SLCO4C1: variants seen among roughly 807,000 people sequenced by gnomAD.
SLCO4C1 encodes solute carrier organic anion transporter family member 4C1, also known as organic anion transporter M1.
Under a neutral mutation model 72.1 loss-of-function variants are expected in SLCO4C1, and 58 were observed. That is an observed-to-expected ratio of 0.80 (90% CI 0.65 to 1.00). The LOEUF (loss-of-function observed/expected upper bound fraction) is 1.00. SLCO4C1 is among the 50% of genes least tolerant of loss of function. SLCO4C1 has a pLI of 0.00. For missense variants in SLCO4C1, 898 were observed against 857.9 expected, an observed-to-expected ratio of 1.05 and a Z score of -0.58; for synonymous variants, 297 against 312.5, an observed-to-expected ratio of 0.95 and a Z score of 0.52.
At position 102,257,203 on chromosome 5, in the gene SLCO4C1, A is replaced by T. The variant is rs778025811; in HGVS notation, c.1381T>A (p.Ser461Thr). ...AAACTCAGCGTAAGTGCAACTCCAG[A>T]TGTGAACAGTGCAAACTTCATTGTG... ...KNTMKFALFT[S>T]GVALTLSFVF... Residue 461 changes from serine (S) to threonine (T), a missense_variant, in exon 8 of 13, where the codon TCT (serine) becomes ACT (threonine). By Grantham distance (58) the Ser-to-Thr change is moderately conservative (BLOSUM62 1). Transcript: ENST00000310954. 7 of 1,611,188 alleles carry T rather than the reference A, an allele frequency of 4.3e-6. No homozygotes were observed. In the Admixed American group the frequency reaches 1.2e-4, roughly 27 times the overall value.
At chr5:102,249,954 C>T (rs1438356551) in intron 8 of SLCO4C1, among the ~76,000 whole-genome samples, 166 bp from the exon 9 acceptor site, 2 of 152,082 alleles carry the variant, frequency 1.3e-5, no homozygotes, top group African/African-American at 2.4e-5. Flanking sequence ...AACTTCTTGT[C>T]GGAGAGAGGC....
At chr5:102,274,033 ATAAT>A (rs1322754579) in intron 2 of SLCO4C1, among the ~76,000 whole-genome samples, 1 of 152,158 alleles carries the variant, frequency 6.6e-6, no homozygotes, top group African/African-American at 2.4e-5. Context: ...AAAATATACT[ATAAT>A]TATTTACATA....
chr5:102,280,090 C>CAAAAAAAAAAAAAAAAAAAAAAAAAAAGA (rs36217271), intron 2 of SLCO4C1, among the ~76,000 whole-genome samples: 1 of 68,858 alleles, frequency 1.5e-5, no homozygotes, highest in African/African-American at 6.0e-5. Flanking sequence ...TGCAATAAGG[C>CAAAAAAAAAAAAAAAAAAAAAAAAAAAGA]AAAAAAAAAA....
In SLCO4C1 at chr5:102,235,692, T is replaced by C. The variant is rs73778230; in HGVS notation, c.*1166A>G. The C allele has an allele frequency of 6.6e-6, 1 of 152,384 alleles. No individual in the cohort carries two copies. Among genetic ancestry groups the C allele is most frequent in the African/African-American group, 2.4e-5 (1 of 41,580 alleles). 9.4% of individuals were successfully genotyped at this position (152,384 alleles called of 1,614,324 possible). A position where few individuals can be genotyped will look rare whatever the true frequency, so the allele number is the denominator to read the frequency against. ...GATCAGTAGTGGCATTAGATTCTCATAGGAGTGCACACTCCATTGGGAACT... is the reference window on the plus strand; with the variant it reads ...GATCAGTAGTGGCATTAGATTCTCACAGGAGTGCACACTCCATTGGGAACT... On this transcript the variant is annotated 3_prime_UTR_variant, in exon 13 of 13. Transcript: ENST00000310954.
intron 6 of SLCO4C1, among the ~76,000 whole-genome samples, chr5:102,258,647 T>C (rs1275471964): frequency 6.6e-6 from 1 of 152,112 alleles, no homozygotes; most frequent in Non-Finnish European, 1.5e-5. Context: ...GAGGGTAGTA[T>C]GGAGGTTAAT....
intron 3 of SLCO4C1, among the ~76,000 whole-genome samples, chr5:102,266,194 A>T (rs746838244): frequency 6.6e-6 from 1 of 152,038 alleles, no homozygotes; most frequent in Non-Finnish European, 1.5e-5. Flanking sequence ...TAGTTCTAAG[A>T]GTTTTTTGGT....
rs1175652348 is a variant in SLCO4C1, at chr5:102,270,770, G to A, written c.656C>T (p.Thr219Ile). ...CVTTRNSTSC[T>I]SSTSSLSNYL... ...GTTAGAAAGTGAAGAAGTTGAAGATGTACAACTGGTGCTATTCCTTGTTGT... is the reference window on the plus strand; with the variant it reads ...GTTAGAAAGTGAAGAAGTTGAAGATATACAACTGGTGCTATTCCTTGTTGT... The change falls in exon 3 of 13, where the codon ACA (threonine) becomes ATA (isoleucine). Residue 219 changes from threonine (T) to isoleucine (I), a missense_variant. Thr to Ile is a moderately conservative substitution (Grantham distance 89). Transcript: ENST00000310954. The A allele has an allele frequency of 1.2e-6, 2 of 1,607,654 alleles. No individual in the cohort carries two copies. Among genetic ancestry groups the A allele is most frequent in the Non-Finnish European group, 8.5e-7 (1 of 1,176,636 alleles).
chr5:102,247,006 G>T lies in SLCO4C1; in HGVS notation c.1811+246C>A, dbSNP rs2216728. Among the ~76,000 whole-genome samples the T allele has an allele frequency of 2.0e-3, 311 of 152,226 alleles. 1 individual carries two copies. Among genetic ancestry groups the T allele is most frequent in the African/African-American group, 7.2e-3 (300 of 41,554 alleles). On this transcript the variant is annotated intron_variant, in intron 10 of 12. Coordinates refer to ENST00000310954, the MANE Select transcript of SLCO4C1 (RefSeq NM_180991.5). ...TCACACCTGAAGCTTCATGAAAGAA[G>T]CAGAGAAAACACCAAGCACAAGCCA...
intron 2 of SLCO4C1, among the ~76,000 whole-genome samples, chr5:102,283,688 G>A (rs898036386): frequency 1.5e-4 from 23 of 151,340 alleles, no homozygotes; most frequent in African/African-American, 5.6e-4. Flanking sequence ...CCCTATCAGA[G>A]CACTTCATTT....
At chr5:102,255,011 G>A (rs1457931310) in intron 8 of SLCO4C1, among the ~76,000 whole-genome samples, 2 of 150,440 alleles carry the variant, frequency 1.3e-5, no homozygotes, top group Non-Finnish European at 3.0e-5. Flanking sequence ...AGAATTTGGG[G>A]CCATGAGAAA....
Position 102,239,403 on chromosome 5 carries a change from G to A in SLCO4C1, c.1877-15C>T, listed in dbSNP as rs974029957. The A allele has an allele frequency of 4.5e-6, 7 of 1,541,602 alleles. No individual in the cohort carries two copies. Among genetic ancestry groups the A allele is most frequent in the East Asian group, 2.3e-5 (1 of 42,764 alleles). On this transcript the variant is annotated splice_polypyrimidine_tract_variant and intron_variant, in intron 11 of 12. Transcript: ENST00000310954. Reference sequence around the variant, plus strand: ...AGGAATTGTCCCTAAAAGAATTATGGGTGAAATATACAACAGTAAAGATTA... The same window carrying A: ...AGGAATTGTCCCTAAAAGAATTATGAGTGAAATATACAACAGTAAAGATTA...
intron 7 of SLCO4C1, among the ~76,000 whole-genome samples, chr5:102,257,523 T>C (rs1748859141): frequency 6.6e-6 from 1 of 152,198 alleles, no homozygotes; most frequent in African/African-American, 2.4e-5. Flanking sequence ...ATATGTTCTC[T>C]TTAGGAATTT....
Position 102,248,417 on chromosome 5 carries a change from G to A in SLCO4C1, c.1621-975C>T, listed in dbSNP as rs182269885. On this transcript the variant is annotated intron_variant, in intron 9 of 12. Transcript: ENST00000310954. ...AAAATTCTAGAAGACAACTTGCTGT[G>A]TAAGATAGTAATTATCTTAGCATTT... 2.3e-4 allele frequency among the ~76,000 whole-genome samples: 35 copies of A among 152,132 alleles called. 1 individual carries two copies. Among genetic ancestry groups the A allele is most frequent in the African/African-American group, 8.2e-4 (34 of 41,536 alleles).
intron 2 of SLCO4C1, among the ~76,000 whole-genome samples, chr5:102,287,444 G>T (rs908633470): frequency 6.6e-6 from 1 of 151,388 alleles, no homozygotes; most frequent in African/African-American, 2.4e-5. Context: ...TAAAAATTAG[G>T]ATTAGTTTTA....
At chr5:102,286,851 C>T (rs1192808517) in intron 2 of SLCO4C1, among the ~76,000 whole-genome samples, 2 of 152,038 alleles carry the variant, frequency 1.3e-5, no homozygotes, top group Non-Finnish European at 2.9e-5. Flanking sequence ...TTGTTCTTAA[C>T]GTTCTTTTGT....
At position 102,291,430 on chromosome 5, in the gene SLCO4C1, C is replaced by T. The variant is rs1252746068; in HGVS notation, c.532G>A (p.Ala178Thr). 6.2e-7 allele frequency: 1 copy of T among 1,614,068 alleles called. No individual in the cohort carries two copies. Among genetic ancestry groups the T allele is most frequent in the Non-Finnish European group, 8.5e-7 (1 of 1,179,974 alleles). The change falls in exon 2 of 13, where the codon GCA becomes ACA. Residue 178 changes from alanine to threonine, a missense_variant. Coordinates refer to ENST00000310954, the MANE Select transcript of SLCO4C1 (RefSeq NM_180991.5). ...GCTCCCAGTCCAATCATAAAGGCTG[C>T]AAATGCAAGCCATCTCGGCTTATGT... ...RGHKPRWLAF[A>T]AFMIGLGALV...
At chr5:102,286,279 A>T (rs2112397377) in intron 2 of SLCO4C1, among the ~76,000 whole-genome samples, 1 of 152,296 alleles carries the variant, frequency 6.6e-6, no homozygotes, top group East Asian at 1.9e-4. Flanking sequence ...TTGGTCAATA[A>T]ATAAAAAGAG....
At chr5:102,281,305 C>A (rs937374263) in intron 2 of SLCO4C1, among the ~76,000 whole-genome samples, 16 of 152,032 alleles carry the variant, frequency 1.1e-4, no homozygotes, top group African/African-American at 3.6e-4. Context: ...CAAAATATAT[C>A]ACAGACTTAA....
intron 9 of SLCO4C1, 127 bp from the exon 10 acceptor site, chr5:102,247,569 G>T: frequency 1.9e-6 from 1 of 525,524 alleles, no homozygotes; most frequent in Non-Finnish European, 3.1e-6. Flanking sequence ...AAATTATGCT[G>T]AGAGAATATT....
Sources: allele counts gnomAD v4.1 joint callset (sites outside exome capture counted in the v4.1 genomes callset), GRCh38; gene constraint gnomAD v4.1.1; transcripts MANE v1.5; gene names NCBI Gene and HGNC (gene_info 2026-07-23, HGNC 2026-07-21).